Variants in SCFD2 observed in about 807,000 individuals in gnomAD.
SCFD2 encodes the protein sec1 family domain-containing protein 2.
Under a neutral mutation model 58.9 loss-of-function variants are expected in SCFD2, and 54 were observed. The observed-to-expected ratio is 0.92, with a 90% confidence interval of 0.74 to 1.15. SCFD2 has a LOEUF of 1.15. Ranked by LOEUF, SCFD2 falls within the 50% of genes most tolerant of loss-of-function variation. The pLI, the probability that SCFD2 is intolerant of heterozygous loss-of-function variation, is 0.00. For synonymous variants in SCFD2, 321 were observed against 335.9 expected, an observed-to-expected ratio of 0.96 and a Z score of 0.49; for missense variants, 805 against 836.6, an observed-to-expected ratio of 0.96 and a Z score of 0.47.
At chr4:53,343,375 C>T (rs1733947301) in intron 2 of SCFD2, among the ~76,000 whole-genome samples, 2 of 152,176 alleles carry the variant, frequency 1.3e-5, no homozygotes, top group Admixed American at 1.3e-4. Flanking sequence ...AATTCCTAGA[C>T]ACTTACACCC....
At chr4:53,050,933 C>A (rs1171968300) in intron 5 of SCFD2, among the ~76,000 whole-genome samples, 1 of 152,164 alleles carries the variant, frequency 6.6e-6, no homozygotes, top group East Asian at 1.9e-4. Context: ...GGGAGACCTT[C>A]CCTGGACACA....
chr4:53,105,048 G>A (rs1724946792), intron 5 of SCFD2, among the ~76,000 whole-genome samples: 2 of 152,092 alleles, frequency 1.3e-5, no homozygotes, highest in South Asian at 4.1e-4. Context: ...GAGCTGAAGT[G>A]GGGTGGGGCA....
chr4:53,248,775 A>G (rs1730224277), intron 4 of SCFD2, among the ~76,000 whole-genome samples: 2 of 152,232 alleles, frequency 1.3e-5, no homozygotes, highest in African/African-American at 4.8e-5. Context: ...GAACAAACAG[A>G]AAGGACACCC....
chr4:53,011,721 T>C (rs547931946), intron 5 of SCFD2, among the ~76,000 whole-genome samples: 2 of 152,324 alleles, frequency 1.3e-5, no homozygotes, highest in African/African-American at 4.8e-5. Context: ...AGGTCAAAGC[T>C]GGAAGACACC....
chr4:53,320,625 C>T (rs537362758), intron 2 of SCFD2, among the ~76,000 whole-genome samples: 1 of 152,104 alleles, frequency 6.6e-6, no homozygotes, highest in South Asian at 2.1e-4. Flanking sequence ...CTCAAAAAAT[C>T]AATAAAAAAT....
At position 53,271,972 on chromosome 4, in the gene SCFD2, T is replaced by C. The variant is rs555329376; in HGVS notation, c.1311+1854A>G. On this transcript the variant is annotated intron_variant, in intron 4 of 8. Transcript: ENST00000401642. ...CTACTCATCTGACAAATGGCTAATATCCAGAATCTACAATGAACTCAAACA... is the reference window on the plus strand; with the variant it reads ...CTACTCATCTGACAAATGGCTAATACCCAGAATCTACAATGAACTCAAACA... 3.9e-5 allele frequency among the ~76,000 whole-genome samples: 6 copies of C among 152,080 alleles called. No homozygotes were observed. In the East Asian group the frequency reaches 1.2e-3, roughly 29 times the overall value.
intron 5 of SCFD2, among the ~76,000 whole-genome samples, chr4:53,135,963 A>G (rs187222010): frequency 1.3e-5 from 2 of 152,332 alleles, no homozygotes; most frequent in East Asian, 1.9e-4. Context: ...AAGTATGAAG[A>G]CACAATATAA....
At chr4:53,322,521 A>C (rs1420623961) in intron 2 of SCFD2, among the ~76,000 whole-genome samples, 1 of 152,202 alleles carries the variant, frequency 6.6e-6, no homozygotes, top group Non-Finnish European at 1.5e-5. Context: ...CTCAGTATAA[A>C]CATTTTTTAT....
At chr4:53,255,209 A>G (rs1342830921) in intron 4 of SCFD2, among the ~76,000 whole-genome samples, 4 of 148,568 alleles carry the variant, frequency 2.7e-5, no homozygotes, top group Non-Finnish European at 5.9e-5. Context: ...TTATTTATTT[A>G]TTTATTTATT....
intron 2 of SCFD2, among the ~76,000 whole-genome samples, chr4:53,339,027 A>G (rs547296875): frequency 1.3e-5 from 2 of 152,292 alleles, no homozygotes; most frequent in African/African-American, 4.8e-5. Flanking sequence ...AGCTAAAGGA[A>G]TTTCTCTAAA....
intron 4 of SCFD2, among the ~76,000 whole-genome samples, chr4:53,182,286 T>G (rs954072109): frequency 1.3e-5 from 2 of 152,186 alleles, no homozygotes; most frequent in Non-Finnish European, 2.9e-5. Context: ...AACAGCGTGG[T>G]ACTGGTACCA....
chr4:52,986,927 A>G (rs1157666350), intron 5 of SCFD2, among the ~76,000 whole-genome samples: 1 of 152,240 alleles, frequency 6.6e-6, no homozygotes, highest in Non-Finnish European at 1.5e-5. Context: ...ATTTTTATCT[A>G]TAAAATGGGA....
chr4:53,353,484 C>A (rs1734303427), intron 1 of SCFD2, among the ~76,000 whole-genome samples: 1 of 152,210 alleles, frequency 6.6e-6, no homozygotes, highest in Non-Finnish European at 1.5e-5. Context: ...TCTCGGGCAG[C>A]CTCCTTTTAT....
At chr4:53,245,129 A>G (rs1261824052) in intron 4 of SCFD2, among the ~76,000 whole-genome samples, 1 of 151,726 alleles carries the variant, frequency 6.6e-6, no homozygotes, top group Non-Finnish European at 1.5e-5. Context: ...CCTACCAACC[A>G]AAAAAAAGCC....
At chr4:53,112,604 T>C (rs1409686927) in intron 5 of SCFD2, among the ~76,000 whole-genome samples, 3 of 152,114 alleles carry the variant, frequency 2.0e-5, no homozygotes, top group East Asian at 1.9e-4. Flanking sequence ...TAGTGTGACA[T>C]GGTAGTTAAG....
At chr4:53,003,313 G>A (rs539805927) in intron 5 of SCFD2, among the ~76,000 whole-genome samples, 26 of 152,284 alleles carry the variant, frequency 1.7e-4, no homozygotes, top group African/African-American at 6.3e-4. Context: ...TTTTAGAGCT[G>A]TGCTGTTCAA....
intron 7 of SCFD2, among the ~76,000 whole-genome samples, chr4:52,901,065 G>A (rs1719185524): frequency 6.6e-6 from 1 of 152,208 alleles, no homozygotes; most frequent in South Asian, 2.1e-4. Context: ...ACTAGGAAAG[G>A]AAACTCCCTG....
At chr4:53,101,049 A>T (rs942628938) in intron 5 of SCFD2, among the ~76,000 whole-genome samples, 1 of 152,174 alleles carries the variant, frequency 6.6e-6, no homozygotes, top group African/African-American at 2.4e-5. Context: ...AATGTCAAAC[A>T]CAAAGATTAC....
intron 4 of SCFD2, among the ~76,000 whole-genome samples, chr4:53,235,761 G>C (rs1321810215): frequency 6.6e-6 from 1 of 152,166 alleles, no homozygotes; most frequent in East Asian, 1.9e-4. Flanking sequence ...GTGTGGAAGA[G>C]GAAATGAAAG....
Sources: allele counts gnomAD v4.1 joint callset (sites outside exome capture counted in the v4.1 genomes callset), GRCh38; gene constraint gnomAD v4.1.1; transcripts MANE v1.5; gene names NCBI Gene and HGNC (gene_info 2026-07-23, HGNC 2026-07-21).